STXBP5L: variants seen among roughly 807,000 people sequenced by gnomAD.
STXBP5L encodes the protein syntaxin binding protein 5L.
In STXBP5L, 65 loss-of-function variants were observed where a neutral mutation model predicts 144.5. The observed-to-expected ratio is 0.45, with a 90% CI of 0.37 to 0.55. STXBP5L has a LOEUF of 0.55. Ranked by LOEUF, STXBP5L falls within the 20% of genes least tolerant of loss-of-function variation. The pLI, the probability that STXBP5L is intolerant of heterozygous loss-of-function variation, is 0.00. For synonymous variants in STXBP5L, 505 were observed against 469.6 expected (o/e 1.08, Z -0.97); for missense variants, 1,298 against 1,405.5 (o/e 0.92, Z 1.22).
chr3:121,213,802 T>C (rs1401442107), intron 10 of STXBP5L, among the ~76,000 whole-genome samples: 1 of 152,196 alleles, frequency 6.6e-6, no homozygotes, highest in East Asian at 1.9e-4. Context: ...CAACTCCTCT[T>C]TGTACCTCTG....
intron 20 of STXBP5L, among the ~76,000 whole-genome samples, chr3:121,329,161 G>A (rs1288792337): frequency 6.6e-6 from 1 of 152,098 alleles, no homozygotes. Flanking sequence ...TGCACTTCAG[G>A]AAGTACTTCT....
intron 10 of STXBP5L, among the ~76,000 whole-genome samples, chr3:121,211,232 T>A (rs1023097766): frequency 6.6e-6 from 1 of 152,210 alleles, no homozygotes; most frequent in Non-Finnish European, 1.5e-5. Context: ...GCTCTCTGTC[T>A]GTTATTGGTG....
At chr3:121,211,062 T>A (rs1161735526) in intron 10 of STXBP5L, among the ~76,000 whole-genome samples, 6 of 152,182 alleles carry the variant, frequency 3.9e-5, no homozygotes, top group East Asian at 1.9e-4. Context: ...CCTACCCATG[T>A]GCATGGAATG....
chr3:121,342,144 A>T (rs1045313250), intron 20 of STXBP5L, among the ~76,000 whole-genome samples: 1 of 152,032 alleles, frequency 6.6e-6, no homozygotes, highest in South Asian at 2.1e-4. Flanking sequence ...ATTAAAAATT[A>T]AAGAAAGAAA....
intron 20 of STXBP5L, among the ~76,000 whole-genome samples, chr3:121,371,975 G>A (rs1020444508): frequency 1.3e-5 from 2 of 152,186 alleles, no homozygotes; most frequent in Non-Finnish European, 2.9e-5. Context: ...CGCTGGCAGG[G>A]AAGGGAAGGC....
At chr3:121,407,109 A>T in intron 22 of STXBP5L, 134 bp from the exon 23 acceptor site, 1 of 1,135,688 alleles carries the variant, frequency 8.8e-7, no homozygotes, top group Non-Finnish European at 1.2e-6. Flanking sequence ...TGAGCTCACA[A>T]ATCTACAAAT....
At chr3:120,982,330 C>T (rs1576566019) in intron 3 of STXBP5L, among the ~76,000 whole-genome samples, 1 of 152,150 alleles carries the variant, frequency 6.6e-6, no homozygotes, top group Non-Finnish European at 1.5e-5. Flanking sequence ...ACTGGACATC[C>T]AAGCTCACCC....
intron 3 of STXBP5L, among the ~76,000 whole-genome samples, chr3:121,008,287 G>A (rs1026468345): frequency 6.6e-6 from 1 of 151,956 alleles, no homozygotes; most frequent in Admixed American, 6.6e-5. Context: ...TCCTTTGCCA[G>A]CTGGTCTAGT....
At chr3:121,326,357 G>A (rs2044148307) in intron 20 of STXBP5L, among the ~76,000 whole-genome samples, 1 of 151,758 alleles carries the variant, frequency 6.6e-6, no homozygotes. Context: ...TTGCTTTTTT[G>A]TTTTTAACTT....
At chr3:121,312,368 CTTTTT>C (rs71619793) in intron 19 of STXBP5L, among the ~76,000 whole-genome samples, 17 of 60,096 alleles carry the variant, frequency 2.8e-4, no homozygotes, top group East Asian at 1.8e-3. Flanking sequence ...TAAAGAGCTT[CTTTTT>C]TTTTTTTTTT....
chr3:121,229,987 C>A (rs1280327693), intron 11 of STXBP5L, among the ~76,000 whole-genome samples: 1 of 152,112 alleles, frequency 6.6e-6, no homozygotes, highest in African/African-American at 2.4e-5. Context: ...TTATGTTCAG[C>A]AGTTTGTTTC....
chr3:121,103,756 A>C (rs2043551861), intron 5 of STXBP5L, among the ~76,000 whole-genome samples: 1 of 152,200 alleles, frequency 6.6e-6, no homozygotes, highest in African/African-American at 2.4e-5. Context: ...TTGCATTACA[A>C]ATGACTTCTG....
chr3:120,974,003 C>T (rs981754010), intron 3 of STXBP5L, among the ~76,000 whole-genome samples: 18 of 152,204 alleles, frequency 1.2e-4, no homozygotes, highest in African/African-American at 1.7e-4. Flanking sequence ...AATAAACATA[C>T]GTGTGCATGT....
intron 20 of STXBP5L, among the ~76,000 whole-genome samples, chr3:121,360,012 T>TATAATATATATATTATTACTATATAAC (rs2045659497): frequency 6.9e-6 from 1 of 145,854 alleles, no homozygotes; most frequent in Non-Finnish European, 1.5e-5. Context: ...TACTATATAA[T>TATAATATATATATTATTACTATATAAC]ATAATATATA....
At chr3:121,342,039 AT>A (rs2044733135) in intron 20 of STXBP5L, among the ~76,000 whole-genome samples, 1 of 152,064 alleles carries the variant, frequency 6.6e-6, no homozygotes, top group Admixed American at 6.6e-5. Context: ...GATGTGATAG[AT>A]ATCACATTTA....
intron 3 of STXBP5L, among the ~76,000 whole-genome samples, chr3:120,991,648 G>C (rs757437063): frequency 5.4e-4 from 82 of 152,322 alleles, no homozygotes; most frequent in Middle Eastern, 3.4e-3. Context: ...ATACTGTGCA[G>C]CCATAAAAAA....
intron 5 of STXBP5L, among the ~76,000 whole-genome samples, chr3:121,069,644 A>G (rs960368511): frequency 2.6e-5 from 4 of 152,010 alleles, no homozygotes; most frequent in Admixed American, 1.3e-4. Flanking sequence ...TATACTAACT[A>G]GAATTTTGTG....
At chr3:121,168,138 A>G (rs1428141363) in intron 9 of STXBP5L, among the ~76,000 whole-genome samples, 2 of 152,196 alleles carry the variant, frequency 1.3e-5, no homozygotes, top group Non-Finnish European at 2.9e-5. Flanking sequence ...GAGCATCAAC[A>G]TCAACAAAAA....
chr3:121,110,097 G>T (rs1000276435), intron 5 of STXBP5L, among the ~76,000 whole-genome samples: 3 of 152,064 alleles, frequency 2.0e-5, no homozygotes, highest in African/African-American at 7.2e-5. Flanking sequence ...GAGCCTATGT[G>T]TGTCCCTGCA....
Sources: allele counts gnomAD v4.1 joint callset (sites outside exome capture counted in the v4.1 genomes callset), GRCh38; gene constraint gnomAD v4.1.1; transcripts MANE v1.5; gene names NCBI Gene and HGNC (gene_info 2026-07-23, HGNC 2026-07-21).